RORA: variants seen among roughly 807,000 people sequenced by gnomAD.
RORA encodes nuclear receptor ROR-alpha.
A neutral mutation model predicts 69.5 loss-of-function variants in RORA; 7 were observed. The ratio of observed to expected loss-of-function variants is 0.10; its 90% CI spans 0.06 to 0.19. RORA has a LOEUF of 0.19. Ranked by LOEUF, RORA falls within the 10% of genes least tolerant of loss-of-function variation. The pLI is 1.00. For synonymous variants in RORA, 261 were observed against 240.8 expected (o/e 1.08, Z -0.78); for missense variants, 457 against 663.0 (o/e 0.69, Z 3.41).
intron 6 of RORA, 122 bp downstream of exon 6, chr15:60,505,386 T>C (rs1229718554): frequency 5.8e-6 from 6 of 1,027,300 alleles, no homozygotes; most frequent in Non-Finnish European, 8.7e-6. Context: ...AAAAAAGATA[T>C]TTAAACAGAA....
intron 1 of RORA, among the ~76,000 whole-genome samples, chr15:61,111,310 T>A (rs73430872): frequency 6.6e-6 from 1 of 152,196 alleles, no homozygotes; most frequent in African/African-American, 2.4e-5. Context: ...GCAGTGATTA[T>A]TGGAAGGCAT....
chr15:60,780,781 A>G (rs1431212379), intron 1 of RORA, among the ~76,000 whole-genome samples: 1 of 152,228 alleles, frequency 6.6e-6, no homozygotes, highest in Non-Finnish European at 1.5e-5. Flanking sequence ...GGAACTATGC[A>G]TGAATCTAGC....
chr15:60,556,945 A>G (rs2067380569), intron 2 of RORA: 2 of 1,597,470 alleles, frequency 1.3e-6, no homozygotes, highest in Non-Finnish European at 1.7e-6. Flanking sequence ...TGTCCACCCC[A>G]ATCCAATGAT....
In RORA at chr15:60,936,142, A is replaced by G. The variant is rs192793708; in HGVS notation, c.167-257456T>C. On this transcript the variant is annotated intron_variant, in intron 1 of 10. Coordinates refer to ENST00000335670, the MANE Select transcript of RORA (RefSeq NM_134261.3). ...TGTGCAAAGTTCCAGCAGAAAAACA[A>G]TGATGCTAGGACCCAATCCTATCTG... Among the ~76,000 whole-genome samples the G allele has an allele frequency of 2.6e-5, 4 of 152,320 alleles. No homozygotes were observed. In the East Asian group the frequency reaches 7.7e-4, roughly 29 times the overall value.
At chr15:61,108,039 C>G (rs944906567) in intron 1 of RORA, among the ~76,000 whole-genome samples, 8 of 152,152 alleles carry the variant, frequency 5.3e-5, no homozygotes, top group Non-Finnish European at 1.0e-4. Flanking sequence ...TCAGCGATAA[C>G]CCTTCTATTT....
chr15:60,883,330 A>G (rs1213535398), intron 1 of RORA, among the ~76,000 whole-genome samples: 1 of 152,196 alleles, frequency 6.6e-6, no homozygotes, highest in African/African-American at 2.4e-5. Flanking sequence ...AACTGACAAC[A>G]TGGATTCAGA....
At chr15:60,856,470 G>A (rs1424888804) in intron 1 of RORA, among the ~76,000 whole-genome samples, 2 of 139,050 alleles carry the variant, frequency 1.4e-5, no homozygotes, top group South Asian at 2.5e-4. Context: ...GATCCATCAC[G>A]ATTTTAAAGA....
intron 1 of RORA, among the ~76,000 whole-genome samples, chr15:61,135,594 A>AC (rs1430534809): frequency 1.3e-5 from 2 of 151,034 alleles, no homozygotes; most frequent in Admixed American, 6.6e-5. Context: ...AAAAAAAAAA[A>AC]AAAACCACAA....
intron 1 of RORA, among the ~76,000 whole-genome samples, chr15:60,736,123 G>A (rs191889011): frequency 5.3e-5 from 8 of 152,326 alleles, no homozygotes; most frequent in African/African-American, 1.4e-4. Context: ...AGGGCTGGGG[G>A]ATTCTCACTA....
chr15:60,989,037 A>T (rs1242225639), intron 1 of RORA, among the ~76,000 whole-genome samples: 2 of 152,208 alleles, frequency 1.3e-5, no homozygotes, highest in African/African-American at 4.8e-5. Context: ...CCTTCAGGGA[A>T]AAGTATTCTT....
chr15:61,185,185 T>C (rs1318257863), intron 1 of RORA, among the ~76,000 whole-genome samples: 2 of 152,046 alleles, frequency 1.3e-5, no homozygotes, highest in African/African-American at 2.4e-5. Flanking sequence ...TTTGGATGTG[T>C]CCCTCTGTAA....
At chr15:60,660,031 A>T (rs1280318041) in intron 2 of RORA, among the ~76,000 whole-genome samples, 2 of 152,202 alleles carry the variant, frequency 1.3e-5, no homozygotes, top group African/African-American at 4.8e-5. Flanking sequence ...CTATCATCTA[A>T]AGAACCAATC....
chr15:60,648,861 A>G (rs1420450564), intron 2 of RORA, among the ~76,000 whole-genome samples: 2 of 152,160 alleles, frequency 1.3e-5, no homozygotes, highest in Non-Finnish European at 2.9e-5. Context: ...TACTGAATAT[A>G]TAGAAGATGG....
chr15:60,988,550 C>T (rs185248604), intron 1 of RORA, among the ~76,000 whole-genome samples: 337 of 152,276 alleles, frequency 2.2e-3, no homozygotes, highest in Non-Finnish European at 3.3e-3. Flanking sequence ...ACACTTGCCC[C>T]GCTGACAAAC....
intron 1 of RORA, among the ~76,000 whole-genome samples, chr15:60,872,336 C>T (rs1398884591): frequency 6.6e-6 from 1 of 152,160 alleles, no homozygotes; most frequent in East Asian, 1.9e-4. Context: ...ATTCAAAATG[C>T]GGTCTGAGCA....
At chr15:60,735,282 A>C (rs2071482225) in intron 1 of RORA, among the ~76,000 whole-genome samples, 1 of 152,252 alleles carries the variant, frequency 6.6e-6, no homozygotes, top group African/African-American at 2.4e-5. Context: ...TGAACAAAGG[A>C]TTATTTGACC....
At chr15:60,513,037 G>A (rs1169978021) in intron 4 of RORA, among the ~76,000 whole-genome samples, 2 of 152,194 alleles carry the variant, frequency 1.3e-5, no homozygotes, top group Non-Finnish European at 2.9e-5. Flanking sequence ...AGAGTCTAGG[G>A]CAGGAGGCAG....
intron 1 of RORA, chr15:60,765,725 C>T (rs1431328606): frequency 6.6e-6 from 1 of 152,158 alleles, no homozygotes; most frequent in Non-Finnish European, 1.5e-5. Context: ...GAAGCATAAA[C>T]AAGACCTCTG....
chr15:60,584,402 AT>A (rs1401891657), intron 2 of RORA, among the ~76,000 whole-genome samples: 3 of 152,186 alleles, frequency 2.0e-5, no homozygotes, highest in African/African-American at 7.2e-5. Flanking sequence ...ATTTCATTGC[AT>A]TGTTTGGCAT....
Sources: gnomAD v4.1 joint callset for allele counts (sites outside exome capture counted in the v4.1 genomes callset) on GRCh38, gnomAD v4.1.1 for gene constraint, MANE v1.5 for transcripts, NCBI Gene and HGNC (gene_info 2026-07-23, HGNC 2026-07-21) for gene names.